Variants in BAIAP2L2 observed in about 807,000 individuals in gnomAD.
The protein encoded by BAIAP2L2 is BAR/IMD domain containing adaptor protein 2 like 2.
BAIAP2L2 carries 65 observed loss-of-function variants against 60.4 expected under a neutral mutation model. The observed-to-expected ratio is 1.08, with a 90% confidence interval of 0.88 to 1.32. The LOEUF is 1.32. Among genes scored for constraint, BAIAP2L2 ranks in the 40% most tolerant of loss-of-function variants. The pLI is 0.00. For synonymous variants in BAIAP2L2, 344 were observed against 301.7 expected (o/e 1.14, Z -1.45); for missense variants, 836 against 741.2 (o/e 1.13, Z -1.48).
chr22:38,109,636 G>T (rs555978820), intron 1 of BAIAP2L2, among the ~76,000 whole-genome samples: 2 of 152,172 alleles, frequency 1.3e-5, no homozygotes, highest in Non-Finnish European at 2.9e-5. Flanking sequence ...CACCCCCGGG[G>T]CAAGGGCAGC....
chr22:38,106,243 G>T (rs562381962), intron 4 of BAIAP2L2, among the ~76,000 whole-genome samples: 1 of 152,200 alleles, frequency 6.6e-6, no homozygotes, highest in Non-Finnish European at 1.5e-5. Flanking sequence ...CCCCCGCCAG[G>T]CGCGGTGGCT....
chr22:38,096,057 G>A (rs1315534495), intron 7 of BAIAP2L2, among the ~76,000 whole-genome samples: 5 of 152,032 alleles, frequency 3.3e-5, no homozygotes, highest in African/African-American at 4.8e-5. Context: ...TGTAAGACTG[G>A]TCAAAAACTC....
chr22:38,104,237 G>A (rs1053214918), intron 4 of BAIAP2L2, among the ~76,000 whole-genome samples: 3 of 152,190 alleles, frequency 2.0e-5, no homozygotes, highest in Admixed American at 1.3e-4. Context: ...ACAGTGGTGT[G>A]TATCCCCGGA....
chr22:38,107,709 C>G (rs969516116), intron 4 of BAIAP2L2, 143 bp downstream of exon 4: 1 of 740,294 alleles, frequency 1.4e-6, no homozygotes, highest in African/African-American at 1.7e-5. Context: ...TTGCAGGGAA[C>G]CGTGCCCCAC....
At chr22:38,109,421 T>C (rs2145642550) in intron 1 of BAIAP2L2, among the ~76,000 whole-genome samples, 1 of 152,174 alleles carries the variant, frequency 6.6e-6, no homozygotes, top group East Asian at 1.9e-4. Context: ...GGGGTCCTGT[T>C]CTAAGCTGTG....
At chr22:38,099,700 T>C (rs1469728949) in intron 4 of BAIAP2L2, among the ~76,000 whole-genome samples, 1 of 152,172 alleles carries the variant, frequency 6.6e-6, no homozygotes, top group Non-Finnish European at 1.5e-5. Context: ...CCCTTCCAGC[T>C]GCAGGAGGGT....
At position 38,085,277 on chromosome 22, in the gene BAIAP2L2, G is replaced by A. The variant is rs2086022138; in HGVS notation, c.*23C>T. The A allele has an allele frequency of 6.2e-7, 1 of 1,610,322 alleles. No homozygotes were observed. The highest frequency in any genetic ancestry group is 1.7e-5 in the Admixed American group (1 of 59,958). On this transcript the variant is annotated 3_prime_UTR_variant, in exon 14 of 14. Transcript: ENST00000381669. ...AACAGCCCCTGGGCAGGTGCACTGTGGGGTACGACCTCGGACCCCGCCTCA... is the reference window on the plus strand; with the variant it reads ...AACAGCCCCTGGGCAGGTGCACTGTAGGGTACGACCTCGGACCCCGCCTCA...
In BAIAP2L2 at chr22:38,106,528, TAAA is replaced by T. The variant is rs71195083; in HGVS notation, c.276+1321_276+1323del. ...GAGCAAGACTCCGTCTCAAAAAAAT[TAAA>T]AAAAAAAAAAAAAAAAAGATTGTTC... On this transcript the variant is annotated intron_variant, in intron 4 of 13. Transcript: ENST00000381669. Among the ~76,000 whole-genome samples, 4 of 121,970 alleles carry T rather than the reference TAAA, an allele frequency of 3.3e-5. No individual in the cohort carries two copies. The East Asian group carries it at 7.1e-4, about 22-fold the overall frequency. The allele number at this position is 121,970 out of a possible 152,430, so 80.0% of individuals were successfully genotyped here.
chr22:38,085,958 G>A (rs917600999), intron 12 of BAIAP2L2, among the ~76,000 whole-genome samples: 4 of 152,138 alleles, frequency 2.6e-5, no homozygotes, highest in African/African-American at 9.7e-5. Flanking sequence ...GACTAACCAC[G>A]CCCCCAGGAT....
At chr22:38,103,692 G>A (rs1393078869) in intron 4 of BAIAP2L2, among the ~76,000 whole-genome samples, 4 of 151,966 alleles carry the variant, frequency 2.6e-5, no homozygotes, top group Non-Finnish European at 2.9e-5. Context: ...GTGAAACCCC[G>A]TCTCTACTAA....
At chr22:38,098,214 C>A (rs1203564016) in intron 5 of BAIAP2L2, 35 bp from the exon 6 acceptor site, 1 of 1,601,972 alleles carries the variant, frequency 6.2e-7, no homozygotes, top group East Asian at 2.2e-5. Context: ...GGAGAATCCC[C>A]CCACATCAGA....
At chr22:38,110,341 G>A in intron 1 of BAIAP2L2, 134 bp downstream of exon 1, 2 of 905,390 alleles carry the variant, frequency 2.2e-6, no homozygotes, top group Admixed American at 4.1e-5. Context: ...ACCCACCCCT[G>A]GCCCAGCCTG....
chr22:38,107,520 G>A (rs1033345434), intron 4 of BAIAP2L2, among the ~76,000 whole-genome samples: 1 of 152,126 alleles, frequency 6.6e-6, no homozygotes, highest in Non-Finnish European at 1.5e-5. Flanking sequence ...CCATGTGGCT[G>A]CTCCCTGGGA....
At chr22:38,096,231 T>C (rs1476488955) in intron 7 of BAIAP2L2, among the ~76,000 whole-genome samples, 1 of 152,204 alleles carries the variant, frequency 6.6e-6, no homozygotes, top group South Asian at 2.1e-4. Context: ...AGAATAGTTA[T>C]AGCCAAAAAA....
At chr22:38,104,253 G>T (rs191045752) in intron 4 of BAIAP2L2, among the ~76,000 whole-genome samples, 6 of 152,304 alleles carry the variant, frequency 3.9e-5, no homozygotes, top group Admixed American at 3.9e-4. Flanking sequence ...CCGGATGCAT[G>T]GCAGATCTAG....
chr22:38,085,896 T>C (rs2086050416), intron 12 of BAIAP2L2, among the ~76,000 whole-genome samples, 164 bp from the exon 13 acceptor site: 1 of 152,162 alleles, frequency 6.6e-6, no homozygotes, highest in Non-Finnish European at 1.5e-5. Context: ...AAGCCCAGAA[T>C]TCTGTGGGTT....
At position 38,084,997 on chromosome 22, in the gene BAIAP2L2, G is replaced by A. The variant is rs569024255; in HGVS notation, c.*303C>T. ...AGGTACAAGGGGCTCCTCCCCACGG[G>A]GGCAGAAAAGGGGGAAAGAGGTTAG... On this transcript the variant is annotated 3_prime_UTR_variant, in exon 14 of 14. Coordinates refer to ENST00000381669, the MANE Select transcript of BAIAP2L2 (RefSeq NM_025045.6). 7.4e-5 allele frequency: 26 copies of A among 350,440 alleles called. No homozygotes were observed. Among genetic ancestry groups the A allele is most frequent in the African/African-American group, 5.3e-4 (25 of 47,438 alleles). The allele number at this position is 350,440 out of a possible 1,614,324, so 21.7% of individuals were successfully genotyped here.
chr22:38,102,233 C>T (rs1368984513), intron 4 of BAIAP2L2, among the ~76,000 whole-genome samples: 1 of 152,144 alleles, frequency 6.6e-6, no homozygotes, highest in Non-Finnish European at 1.5e-5. Flanking sequence ...AACTGACCAG[C>T]CAGGCTCCCA....
chr22:38,109,579 CCT>C (rs2086750611), intron 1 of BAIAP2L2, among the ~76,000 whole-genome samples: 1 of 152,188 alleles, frequency 6.6e-6, no homozygotes, highest in South Asian at 2.1e-4. Context: ...TCAGCCCTGC[CCT>C]GTGTCCAGGC....
Sources: allele counts gnomAD v4.1 joint callset (sites outside exome capture counted in the v4.1 genomes callset), GRCh38; gene constraint gnomAD v4.1.1; transcripts MANE v1.5; gene names NCBI Gene and HGNC (gene_info 2026-07-23, HGNC 2026-07-21).